GANAB: variants seen among roughly 807,000 people sequenced by gnomAD.
GANAB encodes the protein glucosidase II alpha subunit.
In GANAB, 35 loss-of-function variants were observed where a neutral mutation model predicts 129.9. The observed-to-expected ratio is 0.27, with a 90% CI of 0.21 to 0.36. The LOEUF is 0.36. Among genes scored for constraint, GANAB ranks in the 10% least tolerant of loss-of-function variants. The pLI, the probability that GANAB is intolerant of heterozygous loss-of-function variation, is 1.00. For missense variants in GANAB, 939 were observed against 1,221.0 expected (o/e 0.77, Z 3.44); for synonymous variants, 482 against 451.8 (o/e 1.07, Z -0.85).
intron 9 of GANAB, among the ~76,000 whole-genome samples, chr11:62,631,946 C>A (rs1014531792): frequency 6.6e-6 from 1 of 150,828 alleles, no homozygotes; most frequent in African/African-American, 2.4e-5. Context: ...ATGTGTTTAA[C>A]GTGTCTTCCT....
At position 62,640,081 on chromosome 11, in the gene GANAB, A is replaced by C. The variant is rs373947134; in HGVS notation, c.39-350T>G. 9 of 176,370 alleles carry C rather than the reference A, an allele frequency of 5.1e-5. No individual in the cohort carries two copies. In the East Asian group the frequency reaches 7.8e-4, roughly 15 times the overall value. 10.9% of individuals were successfully genotyped at this position (176,370 alleles called of 1,614,324 possible). Reference sequence around the variant, plus strand: ...AAACCCTGTCTCTACTAAAAATACAAAAAAAATTAGCTGGGCGTGGTGGCG... The same window carrying C: ...AAACCCTGTCTCTACTAAAAATACACAAAAAATTAGCTGGGCGTGGTGGCG... On this transcript the variant is annotated intron_variant, in intron 1 of 23. Transcript: ENST00000356638.
intron 1 of GANAB, among the ~76,000 whole-genome samples, chr11:62,640,222 G>A (rs1342613020): frequency 1.3e-4 from 2 of 14,974 alleles, no homozygotes; most frequent in African/African-American, 5.6e-4. Flanking sequence ...GGGCGACAGA[G>A]CTAGACAAAA....
At position 62,625,386 on chromosome 11, in the gene GANAB, A is replaced by C. The variant is rs1311934055; in HGVS notation, c.*429T>G. The C allele has an allele frequency of 4.6e-6, 2 of 430,810 alleles. No individual in the cohort carries two copies. The highest frequency in any genetic ancestry group is 9.3e-6 in the Non-Finnish European group (2 of 215,928). The allele number at this position is 430,810 out of a possible 1,614,324, so 26.7% of individuals were successfully genotyped here. A position where few individuals can be genotyped will look rare whatever the true frequency, so the allele number is the denominator to read the frequency against. ...AAAGGTGGGAGAGCAATCTGGTGGG[A>C]GGGAAGGGGAAAAGGAGCCCTAACT... On this transcript the variant is annotated 3_prime_UTR_variant, in exon 24 of 24. Coordinates refer to ENST00000356638, the MANE Select transcript of GANAB (RefSeq NM_198334.3).
chr11:62,630,773 T>A lies in GANAB; in HGVS notation c.1214A>T (p.Asp405Val). The A allele has an allele frequency of 6.2e-7, 1 of 1,613,972 alleles. No homozygotes were observed. Among genetic ancestry groups the A allele is most frequent in the Non-Finnish European group, 8.5e-7 (1 of 1,179,968 alleles). Residue 405 changes from aspartate (D) to valine (V), a missense_variant, in exon 11 of 24, where the codon GAC (aspartate) becomes GTC (valine). Asp to Val is a radical substitution (Grantham distance 152, BLOSUM62 -3). Transcript: ENST00000356638. The part of the protein sequence containing the change: ...GYHQSRWNYR[D>V]EADVLEVDQG... ...ATCCACTTCCAGCACATCAGCCTCGTCCCGGTAGTTCCAACGGCTCTGGTG... is the reference window on the plus strand; with the variant it reads ...ATCCACTTCCAGCACATCAGCCTCGACCCGGTAGTTCCAACGGCTCTGGTG...
At chr11:62,629,129 G>T in intron 16 of GANAB, 65 bp downstream of exon 16, 1 of 1,532,848 alleles carries the variant, frequency 6.5e-7, no homozygotes, top group Non-Finnish European at 9.0e-7. Context: ...CAACACCTTG[G>T]TCCTGTGCCC....
intron 5 of GANAB, chr11:62,634,499 A>T (rs555169784): frequency 1.3e-5 from 9 of 692,946 alleles, no homozygotes; most frequent in Middle Eastern, 2.6e-4. Context: ...GAAACCAAAA[A>T]AAATAAATAA....
intron 9 of GANAB, 120 bp downstream of exon 9, chr11:62,632,445 A>G: frequency 1.3e-6 from 1 of 744,624 alleles, no homozygotes; most frequent in Non-Finnish European, 2.3e-6. Flanking sequence ...AATGCTGCCC[A>G]CCAGGCCCAC....
At chr11:62,626,779 C>A (rs1565088946) in intron 20 of GANAB, 81 bp downstream of exon 20, 2 of 1,323,296 alleles carry the variant, frequency 1.5e-6, no homozygotes, top group Non-Finnish European at 2.2e-6. Flanking sequence ...CACATAGGTA[C>A]TGGACCCTAA....
rs1222786274 is a variant in GANAB at position 62,631,195 on chromosome 11, A to T, written c.997-12T>A. 1 of 1,543,054 alleles carries T rather than the reference A, an allele frequency of 6.5e-7. No individual in the cohort carries two copies. Among genetic ancestry groups the T allele is most frequent in the Non-Finnish European group, 8.8e-7 (1 of 1,137,318 alleles). On this transcript the variant is annotated splice_polypyrimidine_tract_variant and intron_variant, in intron 9 of 23. Coordinates refer to ENST00000356638, the MANE Select transcript of GANAB (RefSeq NM_198334.3). ...TTCCCAAACAGGGTCTGTATAGGTG[A>T]CCACAAAGGGGTCAGACACCTCCTG...
chr11:62,629,063 T>C (rs1409612515), intron 16 of GANAB, 51 bp from the exon 17 acceptor site: 9 of 1,567,958 alleles, frequency 5.7e-6, no homozygotes, highest in Non-Finnish European at 7.9e-6. Context: ...GAAGGAGAGA[T>C]ACTGCTTGAG....
rs144153823 is a variant in GANAB, at chr11:62,625,921, G to C, written c.2729C>G (p.Ser910Cys). Residue 910 changes from serine (S) to cysteine (C), a missense_variant, in exon 24 of 24, where the codon TCT (serine) becomes TGT (cysteine). This residue lies in a region of GANAB where 230 missense variants were observed against 259.9 expected (regional missense o/e 0.89). Coordinates refer to ENST00000356638, the MANE Select transcript of GANAB (RefSeq NM_198334.3). ...PAAVVLQTKG[S>C]PESRLSFQHD... ...CTGGAAGGACAGGCGGCTTTCTGGA[G>C]ATCCTGGAGGAGGAATAAAAGAGTG... The C allele has an allele frequency of 6.2e-7, 1 of 1,605,090 alleles. No individual in the cohort carries two copies. Among genetic ancestry groups the C allele is most frequent in the Non-Finnish European group, 8.5e-7 (1 of 1,171,870 alleles).
intron 5 of GANAB, chr11:62,634,493 C>A: frequency 9.9e-5 from 69 of 695,842 alleles, no homozygotes; most frequent in South Asian, 1.6e-4. Flanking sequence ...GAAAAAGAAA[C>A]CAAAAAAAAT....
Position 62,639,089 on chromosome 11 carries a change from G to C in GANAB, c.274C>G (p.Gln92Glu). Residue 92 changes from glutamine to glutamate, a missense_variant, in exon 4 of 24, where the codon CAG becomes GAG. Around this residue, in one of 5 missense-constraint regions of GANAB, gnomAD observed 321 missense variants for 329.1 expected, o/e 0.98. Coordinates refer to ENST00000356638, the MANE Select transcript of GANAB (RefSeq NM_198334.3). ...VTKVLLVLEL[Q>E]GLQKNMTRFR... ...CGAGTCATGTTCTTTTGAAGCCCCT[G>C]AAGCTCTAGCACCAGCAACACCTGC... 6.2e-7 allele frequency: 1 copy of C among 1,614,034 alleles called. No individual in the cohort carries two copies. The highest frequency in any genetic ancestry group is 2.2e-5 in the East Asian group (1 of 44,878).
Position 62,639,782 on chromosome 11 carries a change from G to C in GANAB, c.39-51C>G, listed in dbSNP as rs745624191. On this transcript the variant is annotated intron_variant, in intron 1 of 23. Transcript: ENST00000356638. ...GCAATCAGCATGGAGGTCAGAAGGG[G>C]CCCCCTTCAAAAGGAAAAGCTTCTT... 6 of 1,220,470 alleles carry C rather than the reference G, an allele frequency of 4.9e-6. No homozygotes were observed. In the African/African-American group the frequency reaches 6.0e-5, roughly 12 times the overall value. 75.6% of individuals were successfully genotyped at this position (1,220,470 alleles called of 1,614,324 possible).
chr11:62,640,832 C>CAT (rs1554974819), intron 1 of GANAB, among the ~76,000 whole-genome samples: 1 of 74,768 alleles, frequency 1.3e-5, no homozygotes, highest in Non-Finnish European at 2.5e-5. Flanking sequence ...AACTCCCTCT[C>CAT]AAAAAAAAAA....
At chr11:62,639,539 G>C (rs909179616) in intron 2 of GANAB, 72 bp from the exon 3 acceptor site, 1 of 1,429,118 alleles carries the variant, frequency 7.0e-7, no homozygotes, top group South Asian at 1.1e-5. Flanking sequence ...ATCACCTGCA[G>C]TGTCCTTAGG....
In GANAB at chr11:62,625,693, A is replaced by G; in HGVS notation, c.*122T>C. ...TCTCATCCTGCCCAAATGTTGGCAG[A>G]ATCTGGGTCTTAGACTAGCATAAGT... On this transcript the variant is annotated 3_prime_UTR_variant, in exon 24 of 24. Transcript: ENST00000356638. The G allele has an allele frequency of 1.4e-6, 1 of 694,696 alleles. No individual in the cohort carries two copies. The highest frequency in any genetic ancestry group is 2.6e-6 in the Non-Finnish European group (1 of 384,676). 43.0% of individuals were successfully genotyped at this position (694,696 alleles called of 1,614,324 possible).
rs1943338124 is a variant in GANAB, at chr11:62,625,713, A to G, written c.*102T>C. ...GGCAGAATCTGGGTCTTAGACTAGC[A>G]TAAGTGAAGTCTGGGGAGGGCCGAA... is the stretch of plus-strand genomic sequence containing the variant. On this transcript the variant is annotated 3_prime_UTR_variant, in exon 24 of 24. Coordinates refer to ENST00000356638, the MANE Select transcript of GANAB (RefSeq NM_198334.3). 2 of 765,120 alleles carry G rather than the reference A, an allele frequency of 2.6e-6. No individual in the cohort carries two copies. Among genetic ancestry groups the G allele is most frequent in the African/African-American group, 1.7e-5 (1 of 58,928 alleles). 47.4% of individuals were successfully genotyped at this position (765,120 alleles called of 1,614,324 possible). A position where few individuals can be genotyped will look rare whatever the true frequency, so the allele number is the denominator to read the frequency against.
chr11:62,637,697 T>C (rs1452687796), intron 4 of GANAB, among the ~76,000 whole-genome samples: 1 of 151,950 alleles, frequency 6.6e-6, no homozygotes, highest in African/African-American at 2.4e-5. Context: ...TAAAAATGAA[T>C]GAACTAGAGC....
Sources: allele counts gnomAD v4.1 joint callset (sites outside exome capture counted in the v4.1 genomes callset), GRCh38; gene constraint gnomAD v4.1.1; regional missense constraint gnomAD v4.1.1; transcripts MANE v1.5; gene names NCBI Gene and HGNC (gene_info 2026-07-23, HGNC 2026-07-21).